The following CA5A variants were observed in gnomAD, a reference collection of about 807,000 sequenced individuals.
The protein encoded by CA5A is carbonic anhydrase 5A, also known as carbonic anhydrase 5A, mitochondrial.
In CA5A, 28 loss-of-function variants were observed where a neutral mutation model predicts 37.1. The observed-to-expected ratio is 0.75, with a 90% CI of 0.56 to 1.03. The LOEUF (loss-of-function observed/expected upper bound fraction) is 1.03. Ranked by LOEUF, CA5A falls within the 50% of genes least tolerant of loss-of-function variation. The pLI is 0.00. For synonymous variants in CA5A, 171 were observed against 158.4 expected, an observed-to-expected ratio of 1.08 and a Z score of -0.60; for missense variants, 444 against 399.9, an observed-to-expected ratio of 1.11 and a Z score of -0.94.
At position 87,895,367 on chromosome 16, in the gene CA5A, G is replaced by A. The variant is rs968234412; in HGVS notation, c.619-3413C>T. Reference sequence around the variant, plus strand: ...TCGAGACCAGCCTGACCAACATGGCGAAACCATGTCTCTACTAAAAATACA... The same window carrying A: ...TCGAGACCAGCCTGACCAACATGGCAAAACCATGTCTCTACTAAAAATACA... On this transcript the variant is annotated intron_variant, in intron 5 of 6. Transcript: ENST00000649794. 2.0e-5 allele frequency among the ~76,000 whole-genome samples: 3 copies of A among 152,260 alleles called. No individual in the cohort carries two copies. In the East Asian group the frequency reaches 5.8e-4, roughly 29 times the overall value.
In CA5A at chr16:87,923,646, C is replaced by G. The variant is rs1051119977; in HGVS notation, c.340+3102G>C. On this transcript the variant is annotated intron_variant, in intron 2 of 6. Transcript: ENST00000649794. The stretch of plus-strand genomic sequence containing the variant: ...ACCAGCTGAGGGCTGGGTGTCAGCT[C>G]AGGGTCAGCCACCAGACCCTTTGCC... The G allele has an allele frequency of 5.1e-6, 5 of 985,250 alleles. No individual in the cohort carries two copies. In the Admixed American group the frequency reaches 1.8e-4, roughly 36 times the overall value. The allele number at this position is 985,250 out of a possible 1,614,324, so 61.0% of individuals were successfully genotyped here.
At chr16:87,930,220 T>A (rs573858942) in intron 1 of CA5A, among the ~76,000 whole-genome samples, 6 of 152,276 alleles carry the variant, frequency 3.9e-5, no homozygotes, top group African/African-American at 1.2e-4. Flanking sequence ...TCTGGCACTA[T>A]GAATGTTTGT....
intron 2 of CA5A, among the ~76,000 whole-genome samples, chr16:87,922,451 T>C (rs2056243888): frequency 6.6e-6 from 1 of 152,200 alleles, no homozygotes. Flanking sequence ...CCCTTGGGGA[T>C]ACAGAAACAT....
At chr16:87,906,353 C>T (rs1291802076) in intron 2 of CA5A, among the ~76,000 whole-genome samples, 3 of 152,050 alleles carry the variant, frequency 2.0e-5, no homozygotes, top group South Asian at 2.1e-4. Flanking sequence ...TTGGGCTGGG[C>T]GTGGTGGCTC....
intron 3 of CA5A, among the ~76,000 whole-genome samples, 187 bp downstream of exon 3, chr16:87,904,598 GC>G (rs2055929822): frequency 6.6e-6 from 1 of 152,192 alleles, no homozygotes; most frequent in Non-Finnish European, 1.5e-5. Flanking sequence ...AACTTACAGC[GC>G]CTTCCTCGTA....
At chr16:87,902,284 G>A in intron 4 of CA5A, 141 bp downstream of exon 4, 5 of 642,362 alleles carry the variant, frequency 7.8e-6, no homozygotes, top group South Asian at 7.6e-5. Flanking sequence ...AACCCAGGAG[G>A]TGCAGGTTGC....
At chr16:87,889,618 A>T (rs557129905) in intron 6 of CA5A, among the ~76,000 whole-genome samples, 2 of 152,044 alleles carry the variant, frequency 1.3e-5, no homozygotes, top group East Asian at 3.9e-4. Context: ...TACTAAAAAT[A>T]CAAAATTAGC....
intron 5 of CA5A, among the ~76,000 whole-genome samples, chr16:87,901,560 G>C (rs1054575200): frequency 9.9e-5 from 15 of 151,406 alleles, no homozygotes; most frequent in Non-Finnish European, 2.2e-4. Flanking sequence ...AATTTTGCTT[G>C]TCAGATTATA....
intron 2 of CA5A, among the ~76,000 whole-genome samples, chr16:87,905,518 C>T (rs2055947919): frequency 6.6e-6 from 1 of 152,112 alleles, no homozygotes; most frequent in Non-Finnish European, 1.5e-5. Flanking sequence ...GCCACCAGGC[C>T]AAGCCAATTT....
In CA5A at chr16:87,891,964, C is replaced by T. The variant is rs760417555; in HGVS notation, c.619-10G>A. On this transcript the variant is annotated splice_polypyrimidine_tract_variant and intron_variant, in intron 5 of 6. Coordinates refer to ENST00000649794, the MANE Select transcript of CA5A (RefSeq NM_001739.2). ...TGGCCGCCCGCGCGTCCTGAGAGAC[C>T]GAGAAGCACAGGACGTGTCAGTCCT... The T allele has an allele frequency of 1.4e-5, 21 of 1,526,476 alleles. No homozygotes were observed. The highest frequency in any genetic ancestry group is 3.7e-5 in the South Asian group (3 of 80,342). 94.6% of individuals were successfully genotyped at this position (1,526,476 alleles called of 1,614,324 possible).
intron 5 of CA5A, chr16:87,893,168 T>C: frequency 2.3e-6 from 1 of 427,672 alleles, no homozygotes. Context: ...AGACAGAGTC[T>C]CCAGGCTGGA....
intron 2 of CA5A, among the ~76,000 whole-genome samples, chr16:87,924,823 G>T (rs1227083124): frequency 6.6e-6 from 1 of 152,246 alleles, no homozygotes; most frequent in Non-Finnish European, 1.5e-5. Flanking sequence ...GCAGAAGCGT[G>T]GAAGCAGGTC....
Position 87,888,201 on chromosome 16 carries a change from G to T in CA5A, c.846C>A (p.Arg282=), listed in dbSNP as rs767556079. The part of the protein sequence containing the change: ...EEEKMMVNNY[R]PLQPLMNRKV... ...TCCGGTTCATCAAGGGTTGAAGTGG[G>T]CGATAGTTGTTCACCATCATCTTCT... Residue 282 remains arginine (R), a synonymous_variant, in exon 7 of 7, where the codon CGC becomes CGA. Coordinates refer to ENST00000649794, the MANE Select transcript of CA5A (RefSeq NM_001739.2). 32 of 1,613,824 alleles carry T rather than the reference G, an allele frequency of 2.0e-5. No homozygotes were observed. Among genetic ancestry groups the T allele is most frequent in the Non-Finnish European group, 2.7e-5 (32 of 1,179,860 alleles).
At chr16:87,890,307 T>A (rs907621930) in intron 6 of CA5A, among the ~76,000 whole-genome samples, 1 of 152,172 alleles carries the variant, frequency 6.6e-6, no homozygotes, top group Non-Finnish European at 1.5e-5. Context: ...TTGTCACATA[T>A]ATGCTTGTTG....
intron 1 of CA5A, among the ~76,000 whole-genome samples, chr16:87,929,888 A>AAAAAAAAAT (rs1567538954): frequency 1.3e-5 from 2 of 151,620 alleles, no homozygotes; most frequent in African/African-American, 2.4e-5. Context: ...AAAAAAAAAA[A>AAAAAAAAAT]AAAAAAAATA....
chr16:87,893,778 C>CA, intron 5 of CA5A: 1 of 386,068 alleles, frequency 2.6e-6, no homozygotes, highest in Non-Finnish European at 5.0e-6. Flanking sequence ...CACTCACAGC[C>CA]AAAAAACAAA....
intron 2 of CA5A, among the ~76,000 whole-genome samples, chr16:87,918,378 C>G (rs1384744107): frequency 2.6e-5 from 4 of 152,046 alleles, no homozygotes; most frequent in Non-Finnish European, 5.9e-5. Flanking sequence ...CTCCTCTCCC[C>G]CTTCCCTCCT....
chr16:87,900,654 C>T (rs1597552452), intron 5 of CA5A, among the ~76,000 whole-genome samples: 1 of 152,248 alleles, frequency 6.6e-6, no homozygotes, highest in South Asian at 2.1e-4. Flanking sequence ...ACACTGTTGT[C>T]CCCACCATCT....
rs200338859 is a variant in CA5A, at chr16:87,893,145, TC to T, written c.619-1192del. The T allele has an allele frequency of 9.3e-3, 4,308 of 462,402 alleles. 1 individual carries two copies. The highest frequency in any genetic ancestry group is 0.02 in the South Asian group (519 of 26,400). The allele number at this position is 462,402 out of a possible 1,614,324, so 28.6% of individuals were successfully genotyped here. The stretch of plus-strand genomic sequence containing the variant: ...TTCTTCCTTTCTTTCTTTCTTTCTT[TC>T]TTTTTTTTTTCAGACAGAGTCTCCA... On this transcript the variant is annotated intron_variant, in intron 5 of 6. Coordinates refer to ENST00000649794, the MANE Select transcript of CA5A (RefSeq NM_001739.2).
Sources: allele counts gnomAD v4.1 joint callset (sites outside exome capture counted in the v4.1 genomes callset), GRCh38; gene constraint gnomAD v4.1.1; transcripts MANE v1.5; gene names NCBI Gene and HGNC (gene_info 2026-07-23, HGNC 2026-07-21).